HAS1: variants seen among roughly 807,000 people sequenced by gnomAD.
HAS1 encodes the protein hyaluronan synthase 1.
HAS1 carries 27 observed loss-of-function variants against 35.0 expected under a neutral mutation model. The ratio of observed to expected loss-of-function variants is 0.77; its 90% confidence interval spans 0.57 to 1.06. HAS1 has a LOEUF of 1.06. HAS1 is among the 50% of genes least tolerant of loss of function. The pLI is 0.00. For missense variants in HAS1, 940 were observed against 814.8 expected (o/e 1.15, Z -1.87); for synonymous variants, 409 against 371.2 (o/e 1.10, Z -1.17).
chr19:51,721,857 C>T (rs2083633760), intron 1 of HAS1, among the ~76,000 whole-genome samples: 1 of 152,134 alleles, frequency 6.6e-6, no homozygotes. Flanking sequence ...CCTGCCTTGG[C>T]CCCCTAAAGT....
Position 51,719,739 on chromosome 19 carries a change from C to T in HAS1, c.166G>A (p.Gly56Ser). ...GCTGAAAGGAAGGCCCCGTAGAGGC[C>T]GAAGGCCAGGAGGCCGTAGCGATCG... ...ASDRYGLLAFGLYGAFLSAHL... is the reference protein window; with the variant it reads ...ASDRYGLLAFSLYGAFLSAHL... Residue 56 changes from glycine (G) to serine (S), a missense_variant, in exon 2 of 5, where the codon GGC (glycine) becomes AGC (serine). Coordinates refer to ENST00000540069, the MANE Select transcript of HAS1 (RefSeq NM_001297436.2). The T allele has an allele frequency of 6.4e-7, 1 of 1,568,666 alleles. No homozygotes were observed. The highest frequency in any genetic ancestry group is 1.8e-5 in the Admixed American group (1 of 54,672).
Position 51,713,829 on chromosome 19 carries a change from C to T in HAS1, c.1332G>A (p.Lys444=). The change falls in exon 5 of 5, where the codon AAG becomes AAA. Residue 444 remains lysine (K), a synonymous_variant. Coordinates refer to ENST00000540069, the MANE Select transcript of HAS1 (RefSeq NM_001297436.2). The surrounding 1 kb of genome is among the most constrained non-coding windows in gnomAD (Gnocchi z 4.5). ...LLCVQGVALA[K]AAFAAWLRGC... is the part of the protein sequence containing the mutation. ...CCCGCAGCCAGGCCGCGAAGGCCGC[C>T]TTGGCCAGTGCCACGCCCTGCACGC... 6.2e-7 allele frequency: 1 copy of T among 1,607,396 alleles called. No individual in the cohort carries two copies.
intron 1 of HAS1, 178 bp from the exon 2 acceptor site, chr19:51,720,073 G>A (rs982326704): frequency 9.3e-6 from 5 of 538,118 alleles, no homozygotes; most frequent in South Asian, 7.0e-5. Flanking sequence ...TGTCTGTCTC[G>A]CTGTCTCTCT....
intron 1 of HAS1, among the ~76,000 whole-genome samples, chr19:51,720,702 C>T (rs147003432): frequency 4.6e-5 from 7 of 152,080 alleles, no homozygotes; most frequent in Middle Eastern, 3.4e-3. Context: ...ACTATGTCTC[C>T]TAGGCTCCAG....
At chr19:51,723,795 C>A in intron 1 of HAS1, 130 bp downstream of exon 1, 1 of 894,052 alleles carries the variant, frequency 1.1e-6, no homozygotes, top group Non-Finnish European at 1.7e-6. Flanking sequence ...CACTGTCAGG[C>A]ACATGGATAC....
At chr19:51,719,162 T>C in intron 2 of HAS1, 44 bp downstream of exon 2, 1 of 1,237,070 alleles carries the variant, frequency 8.1e-7, no homozygotes, top group Non-Finnish European at 1.1e-6. Context: ...AAAGTGGGAT[T>C]TGGGTGTTCG....
chr19:51,716,111 ATCC>A (rs1402290839), intron 4 of HAS1, 142 bp downstream of exon 4: 2 of 714,198 alleles, frequency 2.8e-6, no homozygotes, highest in Non-Finnish European at 4.7e-6. Flanking sequence ...CCATTATGGT[ATCC>A]TCCTCTCTCC....
rs745568997 is a variant in HAS1, at chr19:51,713,853, GCACAGCAGCACC to G, written c.1296_1307del (p.Trp432_Leu435del). 2.5e-5 allele frequency: 40 copies of G among 1,606,602 alleles called. No homozygotes were observed. Among genetic ancestry groups the G allele is most frequent in the African/African-American group, 1.3e-4 (10 of 74,910 alleles). On this transcript the variant is annotated inframe_deletion, in exon 5 of 5. Transcript: ENST00000540069. The surrounding 1 kb of genome is among the most constrained non-coding windows in gnomAD (Gnocchi z 4.5). ...CCTTGGCCAGTGCCACGCCCTGCAC[GCACAGCAGCACC>G]CACAGCAGCGCCCAAGGGCGGCCCG...
In HAS1 at chr19:51,713,650, G is replaced by A. The variant is rs2083558018; in HGVS notation, c.1511C>T (p.Pro504Leu). 1.9e-6 allele frequency: 3 copies of A among 1,573,938 alleles called. No individual in the cohort carries two copies. The highest frequency in any genetic ancestry group is 8.6e-7 in the Non-Finnish European group (1 of 1,160,748). The change falls in exon 5 of 5, where the codon CCC becomes CTC. Residue 504 changes from proline (P) to leucine (L), a missense_variant. Physicochemically the swap from Pro to Leu is moderately conservative, Grantham distance 98. Transcript: ENST00000540069. This position sits in a 1 kb window ranked among gnomAD's most constrained non-coding sequence, Gnocchi z 4.5. ...KLAANYVPLLPLALWALLLLG... is the reference protein window; with the variant it reads ...KLAANYVPLLLLALWALLLLG... ...CAGCAGCAGCGCCCAGAGCGCCAGG[G>A]GCAGCAGAGGGACGTAGTTAGCGGC... is the stretch of plus-strand genomic sequence containing the variant.
intron 1 of HAS1, among the ~76,000 whole-genome samples, chr19:51,721,525 C>T (rs960390966): frequency 2.6e-5 from 4 of 152,094 alleles, no homozygotes; most frequent in Admixed American, 2.6e-4. Flanking sequence ...CGCCTGTAAT[C>T]CCAGCACTTT....
rs2083611270 is a variant in HAS1, at chr19:51,719,585, G to A, written c.320C>T (p.Pro107Leu). ...CGCCAGGCACTGGCGCAGGTACGCG[G>A]GGTCCTCCTGGTAGGCGGAGATGGT... ...ALTISAYQED[P>L]AYLRQCLASA... is the part of the protein sequence containing the mutation. The change falls in exon 2 of 5, where the codon CCC becomes CTC. Residue 107 changes from proline to leucine, a missense_variant. Coordinates refer to ENST00000540069, the MANE Select transcript of HAS1 (RefSeq NM_001297436.2). The A allele has an allele frequency of 2.6e-6, 4 of 1,543,244 alleles. No homozygotes were observed. The highest frequency in any genetic ancestry group is 2.8e-5 in the African/African-American group (2 of 72,204).
At chr19:51,714,272 G>C in intron 4 of HAS1, 170 bp from the exon 5 acceptor site, 2 of 1,117,452 alleles carry the variant, frequency 1.8e-6, no homozygotes, top group Non-Finnish European at 2.5e-6. Flanking sequence ...TCCTAGGCCT[G>C]GACGCGGTGG....
chr19:51,715,043 A>T (rs1568625630), intron 4 of HAS1, among the ~76,000 whole-genome samples: 1 of 152,236 alleles, frequency 6.6e-6, no homozygotes, highest in Non-Finnish European at 1.5e-5. Context: ...TGTGGCAGAC[A>T]TCATTAATCA....
rs767537813 is a variant in HAS1 at position 51,719,712 on chromosome 19, G to T, written c.193C>A (p.His65Asn). ...FGLYGAFLSA[H>N]LVAQSLFAYL... The stretch of plus-strand genomic sequence containing the variant: ...GCGAAGAGGCTCTGCGCCACCAGGT[G>T]CGCTGAAAGGAAGGCCCCGTAGAGG... The change falls in exon 2 of 5, where the codon CAC becomes AAC. Residue 65 changes from histidine (H) to asparagine (N), a missense_variant. By Grantham distance (68) the His-to-Asn change is moderately conservative. Transcript: ENST00000540069. 18 of 1,567,480 alleles carry T rather than the reference G, an allele frequency of 1.1e-5. No individual in the cohort carries two copies. The Admixed American group carries it at 2.4e-4, about 21-fold the overall frequency.
At chr19:51,718,093 C>T in intron 2 of HAS1, 1 of 170,978 alleles carries the variant, frequency 5.8e-6, no homozygotes, top group Non-Finnish European at 1.3e-5. Flanking sequence ...AAAAATTAGC[C>T]AGGCATGATG....
intron 4 of HAS1, among the ~76,000 whole-genome samples, chr19:51,715,090 G>T (rs4802849): frequency 0.74 from 112,377 of 151,362 alleles, 42,040 homozygotes; most frequent in East Asian, 0.99. Flanking sequence ...CACACAAGAG[G>T]AGAATCCTGG....
Position 51,713,365 on chromosome 19 carries a change from G to A in HAS1, c.*62C>T, listed in dbSNP as rs1448851685. The A allele has an allele frequency of 5.7e-6, 8 of 1,403,810 alleles. No individual in the cohort carries two copies. Among genetic ancestry groups the A allele is most frequent in the African/African-American group, 4.5e-5 (3 of 67,160 alleles). The allele number at this position is 1,403,810 out of a possible 1,614,324, so 87.0% of individuals were successfully genotyped here. A position where few individuals can be genotyped will look rare whatever the true frequency, so the allele number is the denominator to read the frequency against. On this transcript the variant is annotated 3_prime_UTR_variant, in exon 5 of 5. Coordinates refer to ENST00000540069, the MANE Select transcript of HAS1 (RefSeq NM_001297436.2). The surrounding 1 kb of genome is among the most constrained non-coding windows in gnomAD (Gnocchi z 4.5). Reference sequence around the variant, plus strand: ...CCACCCAGCAAGTTCGTGGCTCGGGGCCCAGCAGCTCTCCTCTGGCCTCCC... The same window carrying A: ...CCACCCAGCAAGTTCGTGGCTCGGGACCCAGCAGCTCTCCTCTGGCCTCCC...
intron 1 of HAS1, among the ~76,000 whole-genome samples, chr19:51,723,546 A>G (rs2083645198): frequency 6.6e-6 from 1 of 152,168 alleles, no homozygotes; most frequent in African/African-American, 2.4e-5. Context: ...GCCACAGGCA[A>G]ATCCAACTCT....
Position 51,716,977 on chromosome 19 carries a change from C to T in HAS1, c.916G>A (p.Gly306Ser), listed in dbSNP as rs749715354. ...SYFHCVSCIS[G>S]PLGLYRNNLL... is the part of the protein sequence containing the mutation. ...CTCTGCCCCTGCTTACCTAGAGGACCGCTGATGCAGGATACACAGTGGAAG... is the reference window on the plus strand; with the variant it reads ...CTCTGCCCCTGCTTACCTAGAGGACTGCTGATGCAGGATACACAGTGGAAG... Residue 306 changes from glycine (G) to serine (S), a missense_variant, in exon 3 of 5, where the codon GGT (glycine) becomes AGT (serine). Coordinates refer to ENST00000540069, the MANE Select transcript of HAS1 (RefSeq NM_001297436.2). 2.2e-5 allele frequency: 35 copies of T among 1,610,250 alleles called. No homozygotes were observed. The highest frequency in any genetic ancestry group is 1.2e-4 in the South Asian group (11 of 91,016).
Sources: allele counts gnomAD v4.1 joint callset (sites outside exome capture counted in the v4.1 genomes callset), GRCh38; gene constraint gnomAD v4.1.1; non-coding constraint Gnocchi (gnomAD v3.1); transcripts MANE v1.5; gene names NCBI Gene and HGNC (gene_info 2026-07-23, HGNC 2026-07-21).